The following DDAH1 variants were observed in gnomAD, a reference collection of about 807,000 sequenced individuals.
The protein encoded by DDAH1 is N(G),N(G)-dimethylarginine dimethylaminohydrolase 1.
Under a neutral mutation model 28.8 loss-of-function variants are expected in DDAH1, and 19 were observed. The ratio of observed to expected loss-of-function variants is 0.66; its 90% CI spans 0.46 to 0.97. The LOEUF (loss-of-function observed/expected upper bound fraction) is 0.97. Ranked by LOEUF, DDAH1 falls within the 50% of genes least tolerant of loss-of-function variation. The pLI is 0.00. For missense variants in DDAH1, 326 were observed against 375.9 expected (o/e 0.87, Z 1.10); for synonymous variants, 153 against 154.4 (o/e 0.99, Z 0.07).
chr1:85,362,925 A>C (rs1649867993), intron 1 of DDAH1, among the ~76,000 whole-genome samples: 1 of 152,088 alleles, frequency 6.6e-6, no homozygotes, highest in Admixed American at 6.5e-5. Context: ...TTCTTGCAAA[A>C]TCTCCCTCAA....
intron 2 of DDAH1, among the ~76,000 whole-genome samples, chr1:85,487,651 G>A (rs947636924): frequency 4.6e-5 from 7 of 151,960 alleles, no homozygotes; most frequent in African/African-American, 1.7e-4. Flanking sequence ...CATAGTTCAA[G>A]CATCAAAAAG....
chr1:85,348,962 C>T (rs556912693), intron 4 of DDAH1, among the ~76,000 whole-genome samples: 46 of 152,206 alleles, frequency 3.0e-4, no homozygotes, highest in African/African-American at 1.0e-3. Flanking sequence ...TGGTATAGAC[C>T]AGCTTAAACC....
chr1:85,323,361 T>C (rs902725704), intron 5 of DDAH1, among the ~76,000 whole-genome samples: 13 of 152,196 alleles, frequency 8.5e-5, no homozygotes, highest in African/African-American at 3.1e-4. Flanking sequence ...GAAGAATCTA[T>C]GGACGAGCAC....
At chr1:85,456,851 C>A (rs1344133127) in intron 1 of DDAH1, among the ~76,000 whole-genome samples, 1 of 152,088 alleles carries the variant, frequency 6.6e-6, no homozygotes, top group Non-Finnish European at 1.5e-5. Flanking sequence ...CAGGACCCCC[C>A]CACCCTCCAC....
chr1:85,355,956 C>T (rs1649467977), intron 2 of DDAH1, among the ~76,000 whole-genome samples: 1 of 152,160 alleles, frequency 6.6e-6, no homozygotes, highest in African/African-American at 2.4e-5. Flanking sequence ...ACAACATACA[C>T]TTTAGGAATA....
chr1:85,466,272 C>T (rs181059611), upstream of DDAH1, among the ~76,000 whole-genome samples: 200 of 152,284 alleles, frequency 1.3e-3, no homozygotes, highest in Non-Finnish European at 2.2e-3. Context: ...TTTGTTTTGA[C>T]GGAGTTTCAC....
rs770254987 is a variant in DDAH1 at position 85,321,500 on chromosome 1, C to T, written c.810G>A (p.Gly270=). The T allele has an allele frequency of 6.2e-7, 1 of 1,614,120 alleles. No homozygotes were observed. Among genetic ancestry groups the T allele is most frequent in the South Asian group, 1.1e-5 (1 of 91,076 alleles). Reference sequence around the variant, plus strand: ...TTAAAACTGAGCAGCAGGTGAGCAGCCCATCCACCTTTTCCAGTTCAGACA... The same window carrying T: ...TTAAAACTGAGCAGCAGGTGAGCAGTCCATCCACCTTTTCCAGTTCAGACA... The part of the protein sequence containing the change: ...VSMSELEKVD[G]LLTCCSVLIN... The change falls in exon 6 of 6, where the codon GGG becomes GGA. Residue 270 remains glycine, a synonymous_variant. Transcript: ENST00000284031.
intron 1 of DDAH1, among the ~76,000 whole-genome samples, chr1:85,573,305 G>A (rs1010018696): frequency 2.0e-5 from 3 of 152,232 alleles, no homozygotes; most frequent in Non-Finnish European, 4.4e-5. Flanking sequence ...TGCTACGTGT[G>A]ATGTTAGTGG....
chr1:85,342,987 A>G (rs993443109), intron 4 of DDAH1, among the ~76,000 whole-genome samples: 46 of 152,184 alleles, frequency 3.0e-4, no homozygotes, highest in Admixed American at 1.2e-3. Flanking sequence ...TCACTTATAG[A>G]CTTTTTCTTT....
At chr1:85,563,865 T>G (rs1054201845) in intron 1 of DDAH1, among the ~76,000 whole-genome samples, 4 of 152,238 alleles carry the variant, frequency 2.6e-5, no homozygotes, top group African/African-American at 9.6e-5. Flanking sequence ...CAAGTCAAGC[T>G]TCTAGAGTTA....
intron 1 of DDAH1, among the ~76,000 whole-genome samples, chr1:85,426,921 C>CAAAAAAAAAAA (rs10680800): frequency 1.7e-5 from 2 of 120,422 alleles, no homozygotes; most frequent in Non-Finnish European, 3.3e-5. Flanking sequence ...TTAAAAAAAA[C>CAAAAAAAAAAA]AAAAAAAAAA....
Position 85,464,022 on chromosome 1 carries a change from G to C in DDAH1, c.303+721C>G, listed in dbSNP as rs966181832. 6.6e-6 allele frequency among the ~76,000 whole-genome samples: 1 copy of C among 152,148 alleles called. No individual in the cohort carries two copies. Among genetic ancestry groups the C allele is most frequent in the African/African-American group, 2.4e-5 (1 of 41,436 alleles). The stretch of plus-strand genomic sequence containing the variant: ...ATTGCTGTGAGTTTAAAAATATAGA[G>C]AATAAAAATTATGGAATTTGTGAAA... On this transcript the variant is annotated intron_variant, in intron 1 of 5. Coordinates refer to ENST00000284031, the MANE Select transcript of DDAH1 (RefSeq NM_012137.4). This position sits in a 1 kb window ranked among gnomAD's most constrained non-coding sequence, Gnocchi z 4.4.
chr1:85,355,655 T>G (rs1649451408), intron 2 of DDAH1, among the ~76,000 whole-genome samples: 1 of 152,180 alleles, frequency 6.6e-6, no homozygotes, highest in Admixed American at 6.6e-5. Flanking sequence ...AGGTGTTTAC[T>G]TTAGAGAAAC....
chr1:85,418,751 C>T (rs2100609745), intron 1 of DDAH1, among the ~76,000 whole-genome samples: 1 of 152,318 alleles, frequency 6.6e-6, no homozygotes, highest in East Asian at 1.9e-4. Flanking sequence ...GTACCCATAT[C>T]CCTGCTTTCC....
rs139704444 is a variant in DDAH1 at position 85,335,968 on chromosome 1, G to GAAATAAAATAAAATA, written c.598-11100_598-11086dup. Among the ~76,000 whole-genome samples, 479 of 143,948 alleles carry GAAATAAAATAAAATA rather than the reference G, an allele frequency of 3.3e-3. 3 individuals are homozygous for GAAATAAAATAAAATA. The highest frequency in any genetic ancestry group is 8.4e-3 in the African/African-American group (323 of 38,246). 94.4% of individuals were successfully genotyped at this position (143,948 alleles called of 152,430 possible). On this transcript the variant is annotated intron_variant, in intron 4 of 5. Transcript: ENST00000284031. ...CAAAGTGAGACCCTGTCTCTAAAAT[G>GAAATAAAATAAAATA]AAATAAAATAAAATAAAATAAAATA...
intron 1 of DDAH1, among the ~76,000 whole-genome samples, chr1:85,515,723 C>A (rs1270200236): frequency 6.6e-6 from 1 of 151,440 alleles, no homozygotes; most frequent in Non-Finnish European, 1.5e-5. Flanking sequence ...AGAAATCTAG[C>A]TCAAGCAAAG....
chr1:85,548,328 T>C (rs953390752), intron 1 of DDAH1, among the ~76,000 whole-genome samples: 1 of 152,194 alleles, frequency 6.6e-6, no homozygotes, highest in African/African-American at 2.4e-5. Context: ...GAAACTGATA[T>C]TTGAAGAGTT....
chr1:85,460,226 C>T (rs1353930371), intron 1 of DDAH1, among the ~76,000 whole-genome samples: 1 of 152,154 alleles, frequency 6.6e-6, no homozygotes, highest in Non-Finnish European at 1.5e-5. Context: ...TAGGCTTTTT[C>T]CTAACCAGAG....
intron 1 of DDAH1, among the ~76,000 whole-genome samples, chr1:85,555,229 C>T (rs1029219129): frequency 3.3e-5 from 5 of 152,158 alleles, no homozygotes; most frequent in Non-Finnish European, 4.4e-5. Context: ...ATAGTGGATT[C>T]GACTTGAACA....
Sources: allele counts gnomAD v4.1 joint callset (sites outside exome capture counted in the v4.1 genomes callset), GRCh38; gene constraint gnomAD v4.1.1; non-coding constraint Gnocchi (gnomAD v3.1); transcripts MANE v1.5; gene names NCBI Gene and HGNC (gene_info 2026-07-23, HGNC 2026-07-21).